Variants in CPQ observed in about 807,000 individuals in gnomAD.
CPQ encodes Ser-Met dipeptidase.
CPQ carries 37 observed loss-of-function variants against 45.7 expected under a neutral mutation model. The observed-to-expected ratio is 0.81, with a 90% CI of 0.62 to 1.07. The LOEUF (loss-of-function observed/expected upper bound fraction) is 1.07, where lower values mean the gene tolerates loss of function less well. Ranked by LOEUF, CPQ falls within the 50% of genes least tolerant of loss-of-function variation. The pLI, the probability that CPQ is intolerant of heterozygous loss-of-function variation, is 0.00. For synonymous variants in CPQ, 186 were observed against 205.8 expected (o/e 0.90, Z 0.82); for missense variants, 537 against 572.9 (o/e 0.94, Z 0.64).
intron 7 of CPQ, among the ~76,000 whole-genome samples, chr8:97,119,028 T>C (rs1263496220): frequency 6.6e-6 from 1 of 151,984 alleles, no homozygotes; most frequent in East Asian, 1.9e-4. Flanking sequence ...GACCCTGAAA[T>C]GTAAGATTGA....
intron 3 of CPQ, among the ~76,000 whole-genome samples, chr8:96,838,341 T>A (rs2130851070): frequency 6.6e-6 from 1 of 152,254 alleles, no homozygotes; most frequent in East Asian, 1.9e-4. Flanking sequence ...CTCCTTTCCA[T>A]CTGTGGCTCT....
At position 97,011,806 on chromosome 8, in the gene CPQ, C is replaced by T. The variant is rs146133282; in HGVS notation, c.962-17597C>T. Among the ~76,000 whole-genome samples, 662 of 152,246 alleles carry T rather than the reference C, an allele frequency of 4.3e-3. 7 individuals are homozygous for T. The highest frequency in any genetic ancestry group is 0.015 in the African/African-American group (640 of 41,546). On this transcript the variant is annotated intron_variant, in intron 5 of 7. Coordinates refer to ENST00000220763, the MANE Select transcript of CPQ (RefSeq NM_016134.4). Reference sequence around the variant, plus strand: ...TAGAGTGCCCAGTCAATCTTGGTCCCTTCTCCCCAGTTTTGCCCTGAATGT... The same window carrying T: ...TAGAGTGCCCAGTCAATCTTGGTCCTTTCTCCCCAGTTTTGCCCTGAATGT...
intron 3 of CPQ, among the ~76,000 whole-genome samples, chr8:96,857,404 T>C (rs1164769744): frequency 1.3e-5 from 2 of 152,228 alleles, no homozygotes; most frequent in African/African-American, 4.8e-5. Context: ...CTCCCATGAC[T>C]TCTGCTTTGA....
chr8:96,898,981 G>A (rs970835095), intron 4 of CPQ, among the ~76,000 whole-genome samples: 1 of 152,052 alleles, frequency 6.6e-6, no homozygotes, highest in African/African-American at 2.4e-5. Context: ...TATGGGTGGT[G>A]AGAACGTCAA....
intron 3 of CPQ, among the ~76,000 whole-genome samples, chr8:96,869,939 A>G (rs1325154471): frequency 2.0e-5 from 3 of 152,074 alleles, no homozygotes; most frequent in Non-Finnish European, 4.4e-5. Flanking sequence ...TCTTCAGAGC[A>G]CCTACTGTGG....
At chr8:96,967,736 C>T (rs963820522) in intron 5 of CPQ, among the ~76,000 whole-genome samples, 1 of 152,090 alleles carries the variant, frequency 6.6e-6, no homozygotes, top group African/African-American at 2.4e-5. Flanking sequence ...TTTGAGTAGG[C>T]ATTATGAGGC....
intron 2 of CPQ, among the ~76,000 whole-genome samples, chr8:96,831,877 G>A (rs886996833): frequency 6.6e-5 from 10 of 152,038 alleles, no homozygotes; most frequent in Admixed American, 5.2e-4. Context: ...TTAAATGTAC[G>A]TATAAATTAA....
At chr8:97,037,313 G>A (rs1438489729) in intron 6 of CPQ, among the ~76,000 whole-genome samples, 4 of 152,184 alleles carry the variant, frequency 2.6e-5, no homozygotes, top group Admixed American at 1.3e-4. Flanking sequence ...AATTTAGATA[G>A]AGTGACACTG....
At chr8:96,657,687 A>G (rs955040994) in intron 1 of CPQ, among the ~76,000 whole-genome samples, 3 of 152,222 alleles carry the variant, frequency 2.0e-5, no homozygotes, top group African/African-American at 7.2e-5. Context: ...ACAAAACAAC[A>G]ACGACAACAA....
intron 1 of CPQ, among the ~76,000 whole-genome samples, chr8:96,689,034 A>G (rs1809271068): frequency 6.6e-6 from 1 of 152,190 alleles, no homozygotes; most frequent in South Asian, 2.1e-4. Flanking sequence ...AGACAGAGAA[A>G]AATGCTGTTT....
chr8:97,059,046 A>G (rs781187962), intron 6 of CPQ, among the ~76,000 whole-genome samples: 1 of 152,166 alleles, frequency 6.6e-6, no homozygotes, highest in Admixed American at 6.5e-5. Flanking sequence ...AGTGTCATTT[A>G]TGCAGGGTTC....
chr8:97,014,641 CAAAAAA>C (rs368425080), intron 5 of CPQ, among the ~76,000 whole-genome samples: 5 of 58,602 alleles, frequency 8.5e-5, no homozygotes, highest in Non-Finnish European at 3.7e-5. Flanking sequence ...GACTCCATCT[CAAAAAA>C]AAAAAAAAAA....
intron 2 of CPQ, among the ~76,000 whole-genome samples, chr8:96,829,689 T>C (rs1358438219): frequency 6.6e-6 from 1 of 152,174 alleles, no homozygotes; most frequent in Non-Finnish European, 1.5e-5. Flanking sequence ...TTCTTCTTTA[T>C]AGGAAACTTC....
intron 7 of CPQ, among the ~76,000 whole-genome samples, chr8:97,138,723 G>A (rs916986518): frequency 6.6e-6 from 1 of 152,142 alleles, no homozygotes; most frequent in Non-Finnish European, 1.5e-5. Flanking sequence ...TAGAGCATGG[G>A]TTTTAATGAG....
chr8:97,059,604 C>G (rs577660588), intron 6 of CPQ, among the ~76,000 whole-genome samples: 1 of 152,120 alleles, frequency 6.6e-6, no homozygotes, highest in Non-Finnish European at 1.5e-5. Flanking sequence ...AGCAGAGGAA[C>G]CTTCTTTACC....
chr8:96,933,055 A>G (rs1334223439), intron 4 of CPQ, among the ~76,000 whole-genome samples: 2 of 152,196 alleles, frequency 1.3e-5, no homozygotes, highest in Non-Finnish European at 2.9e-5. Context: ...ACTCTTTCAG[A>G]TGGTAGAATC....
intron 4 of CPQ, among the ~76,000 whole-genome samples, chr8:96,906,372 T>C (rs1037380288): frequency 3.3e-5 from 5 of 152,226 alleles, no homozygotes; most frequent in African/African-American, 1.2e-4. Flanking sequence ...AATAGGAATT[T>C]ATGTGAATAA....
intron 6 of CPQ, among the ~76,000 whole-genome samples, chr8:97,042,316 G>T (rs1443023227): frequency 6.6e-6 from 1 of 151,864 alleles, no homozygotes; most frequent in African/African-American, 2.4e-5. Context: ...GTATTTCTGT[G>T]GGATCGGTGG....
chr8:96,944,519 A>G lies in CPQ; in HGVS notation c.850-21416A>G, dbSNP rs867459694. ...CTTTGTTATTAAAAACAATAATAAA[A>G]AAAGGACTGGTACAAAATTTCCTGT... On this transcript the variant is annotated intron_variant, in intron 4 of 7. Transcript: ENST00000220763. Among the ~76,000 whole-genome samples the G allele has an allele frequency of 3.3e-5, 5 of 152,316 alleles. No homozygotes were observed. In the South Asian group the frequency reaches 1.0e-3, roughly 32 times the overall value.
Sources: allele counts gnomAD v4.1 joint callset (sites outside exome capture counted in the v4.1 genomes callset), GRCh38; gene constraint gnomAD v4.1.1; transcripts MANE v1.5; gene names NCBI Gene and HGNC (gene_info 2026-07-23, HGNC 2026-07-21).